Variants in LAMA5 observed in about 807,000 individuals in gnomAD.
The protein encoded by LAMA5 is laminin subunit alpha 5, also known as laminin subunit alpha-5.
A neutral mutation model predicts 433.4 loss-of-function variants in LAMA5; 260 were observed. The ratio of observed to expected loss-of-function variants is 0.60; its 90% CI spans 0.54 to 0.66. The LOEUF is 0.66. Ranked by LOEUF, LAMA5 falls within the 30% of genes least tolerant of loss-of-function variation. The pLI is 0.00. For synonymous variants in LAMA5, 2,620 were observed against 2,226.6 expected, an observed-to-expected ratio of 1.18 and a Z score of -4.97; for missense variants, 5,378 against 5,258.5, an observed-to-expected ratio of 1.02 and a Z score of -0.70.
rs574214554 is a variant in LAMA5, at chr20:62,345,492, G to C, written c.1477+326C>G. On this transcript the variant is annotated intron_variant, in intron 11 of 79. Coordinates refer to ENST00000252999, the MANE Select transcript of LAMA5 (RefSeq NM_005560.6). The stretch of plus-strand genomic sequence containing the variant: ...TGTGATCATGGCTCACTGCAGCTTC[G>C]GCCTTCCAGGCTCAAGCAATCCTTC... The C allele has an allele frequency of 2.8e-4, 124 of 447,372 alleles. 1 individual carries two copies. The highest frequency in any genetic ancestry group is 4.7e-4 in the South Asian group (24 of 51,044). 27.7% of individuals were successfully genotyped at this position (447,372 alleles called of 1,614,324 possible). A position where few individuals can be genotyped will look rare whatever the true frequency, so the allele number is the denominator to read the frequency against.
Position 62,332,477 on chromosome 20 carries a change from G to T in LAMA5, c.3447C>A (p.Thr1149=). 1 of 1,612,164 alleles carries T rather than the reference G, an allele frequency of 6.2e-7. No homozygotes were observed. The highest frequency in any genetic ancestry group is 1.1e-5 in the South Asian group (1 of 91,046). The part of the protein sequence containing the change: ...LLSLHPCLYS[T]LCRGTARDTQ... ...TATCCCGGGCAGTGCCCCGGCACAG[G>T]GTGCTGTGGGGGGAGGGTGGTCAGC... is the stretch of plus-strand genomic sequence containing the variant. The change falls in exon 28 of 80, where the codon ACC becomes ACA. Residue 1149 remains threonine, a synonymous_variant. Coordinates refer to ENST00000252999, the MANE Select transcript of LAMA5 (RefSeq NM_005560.6).
chr20:62,312,106 C>T, intron 69 of LAMA5, 56 bp from the exon 70 acceptor site: 1 of 1,608,130 alleles, frequency 6.2e-7, no homozygotes, highest in Non-Finnish European at 8.5e-7. Flanking sequence ...TCATTCCAGA[C>T]ACCCCAGTCC....
chr20:62,319,510 G>C (rs1987431691), intron 51 of LAMA5, among the ~76,000 whole-genome samples, 174 bp downstream of exon 51: 1 of 152,170 alleles, frequency 6.6e-6, no homozygotes, highest in Non-Finnish European at 1.5e-5. Flanking sequence ...TGGCCACACG[G>C]CTGTGTCGCC....
Position 62,327,796 on chromosome 20 carries a change from G to A in LAMA5, c.4797+70C>T, listed in dbSNP as rs1979576902. On this transcript the variant is annotated intron_variant, in intron 36 of 79. Transcript: ENST00000252999. ...CTAGGAAGCCCCAGCTGCCCCGAAA[G>A]GCCCGTAAGGACACTTTCAGCTGAT... The A allele has an allele frequency of 2.5e-6, 4 of 1,570,152 alleles. No homozygotes were observed. In the South Asian group the frequency reaches 4.7e-5, roughly 19 times the overall value.
intron 45 of LAMA5, among the ~76,000 whole-genome samples, chr20:62,323,079 G>T (rs1315376649): frequency 4.8e-5 from 4 of 83,446 alleles, no homozygotes; most frequent in African/African-American, 2.0e-4. Flanking sequence ...TCGTGAGGTG[G>T]GGGGGGCGCT....
intron 28 of LAMA5, among the ~76,000 whole-genome samples, chr20:62,331,664 G>C (rs1237312056): frequency 6.6e-6 from 1 of 152,210 alleles, no homozygotes; most frequent in African/African-American, 2.4e-5. Flanking sequence ...CTTTCCGTGC[G>C]GCCATGTGAG....
At chr20:62,351,886 C>G (rs201928639) in intron 5 of LAMA5, 23 bp downstream of exon 5, 57 of 1,578,990 alleles carry the variant, frequency 3.6e-5, no homozygotes, top group Middle Eastern at 1.7e-4. Context: ...CCCCCTCCCC[C>G]GCCTGCGCCA....
Position 62,313,707 on chromosome 20 carries a change from A to T in LAMA5, c.8600T>A (p.Leu2867His), listed in dbSNP as rs1986583242. 6.2e-7 allele frequency: 1 copy of T among 1,612,876 alleles called. No homozygotes were observed. Among genetic ancestry groups the T allele is most frequent in the Admixed American group, 1.7e-5 (1 of 60,028 alleles). Residue 2867 changes from leucine to histidine, a missense_variant, in exon 63 of 80, where the codon CTC (leucine) becomes CAC (histidine). Transcript: ENST00000252999. The part of the protein sequence containing the change: ...DTVAPGAEGL[L>H]NLRPDDFVFY... ...GACGAAGTCGTCTGGCCGCAGGTTG[A>T]GCAGCCCCTCTGCCCCAGGGGCCAC... is the stretch of plus-strand genomic sequence containing the variant.
In LAMA5 at chr20:62,359,443, G is replaced by A. The variant is rs78143201; in HGVS notation, c.450+2957C>T. Among the ~76,000 whole-genome samples, 3 of 151,484 alleles carry A rather than the reference G, an allele frequency of 2.0e-5. No individual in the cohort carries two copies. The highest frequency in any genetic ancestry group is 2.0e-4 in the East Asian group (1 of 5,058). On this transcript the variant is annotated intron_variant, in intron 2 of 79. Coordinates refer to ENST00000252999, the MANE Select transcript of LAMA5 (RefSeq NM_005560.6). The surrounding 1 kb of genome is among the most constrained non-coding windows in gnomAD (Gnocchi z 4.3). ...GCCAGGACCCGCTGGCCATGTGCCT[G>A]GGCAGTCATGAACGCGCTCACCCTT... is the stretch of plus-strand genomic sequence containing the variant.
chr20:62,327,772 T>C, intron 36 of LAMA5, 94 bp downstream of exon 36: 3 of 1,575,876 alleles, frequency 1.9e-6, no homozygotes, highest in Non-Finnish European at 2.6e-6. Context: ...CAAAAGCTTC[T>C]AGGAAGCCCC....
At position 62,313,027 on chromosome 20, in the gene LAMA5, G is replaced by T. The variant is rs775987076; in HGVS notation, c.8956-17C>A. The T allele has an allele frequency of 1.4e-5, 22 of 1,591,000 alleles. No homozygotes were observed. The highest frequency in any genetic ancestry group is 1.7e-5 in the Admixed American group (1 of 59,122). ...GAACTGGCTCTGCAGAAACAGGGCAGGGTTAGTGTGGGGCAGGGTCAGTGC... is the reference window on the plus strand; with the variant it reads ...GAACTGGCTCTGCAGAAACAGGGCATGGTTAGTGTGGGGCAGGGTCAGTGC... On this transcript the variant is annotated splice_polypyrimidine_tract_variant and intron_variant, in intron 65 of 79. Transcript: ENST00000252999.
rs200643051 is a variant in LAMA5 at position 62,328,390 on chromosome 20, C to G, written c.4503G>C (p.Pro1501=). The G allele has an allele frequency of 1.3e-6, 2 of 1,557,052 alleles. No individual in the cohort carries two copies. The highest frequency in any genetic ancestry group is 1.7e-6 in the Non-Finnish European group (2 of 1,150,168). Residue 1501 remains proline, a synonymous_variant, in exon 35 of 80, where the codon CCG becomes CCC. Transcript: ENST00000252999. ...GGCAGTCGGGCGGGATGGTGCGTGG[C>G]GGGCAGATGCACTGGCCCGTGAGCT... The part of the protein sequence containing the change: ...CDELTGQCIC[P]PRTIPPDCLL...
chr20:62,327,184 G>A (rs533453092), intron 38 of LAMA5, 49 bp downstream of exon 38: 164 of 1,444,044 alleles, frequency 1.1e-4, no homozygotes, highest in South Asian at 2.8e-4. Context: ...CCTCTCAGGC[G>A]TCCTGGCCAT....
intron 2 of LAMA5, chr20:62,356,505 C>T (rs542324922): frequency 6.6e-6 from 1 of 152,460 alleles, no homozygotes; most frequent in Admixed American, 6.5e-5. Context: ...TTTTAAAAAT[C>T]GGCTATTTTG....
chr20:62,346,292 A>G, intron 9 of LAMA5, 77 bp from the exon 10 acceptor site: 1 of 1,529,396 alleles, frequency 6.5e-7, no homozygotes, highest in African/African-American at 1.4e-5. Context: ...GGCAGTCTCT[A>G]CCTCCCCAGC....
chr20:62,342,312 A>G, intron 11 of LAMA5: 1 of 376,780 alleles, frequency 2.7e-6, no homozygotes, highest in Non-Finnish European at 5.2e-6. Context: ...CAAAAAAAAA[A>G]GATGAGGTAG....
Position 62,312,908 on chromosome 20 carries a change from G to A in LAMA5, c.9058C>T (p.Leu3020=), listed in dbSNP as rs138425104. The A allele has an allele frequency of 6.3e-7, 1 of 1,583,394 alleles. No homozygotes were observed. The highest frequency in any genetic ancestry group is 8.6e-7 in the Non-Finnish European group (1 of 1,163,156). The change falls in exon 66 of 80, where the codon CTG becomes TTG. Residue 3020 remains leucine, a synonymous_variant. Transcript: ENST00000252999. ...KAVPLQPPPP[L]TSASKAIQVF... ...CCTACCGCCTTGCTGGCCGAGGTCA[G>A]GGGCGGTGGGGGCTGCAGTGGGACG...
rs756982195 is a variant in LAMA5 at position 62,328,020 on chromosome 20, G to A, written c.4653-10C>T. 6.2e-7 allele frequency: 1 copy of A among 1,610,794 alleles called. No individual in the cohort carries two copies. Among genetic ancestry groups the A allele is most frequent in the African/African-American group, 1.3e-5 (1 of 74,868 alleles). On this transcript the variant is annotated splice_polypyrimidine_tract_variant and intron_variant, in intron 35 of 79. Coordinates refer to ENST00000252999, the MANE Select transcript of LAMA5 (RefSeq NM_005560.6). ...CACGTTGGGTCTGCACCTGTGGCAGGGGCGGGAGCTGAGCCCCCTCCACCC... is the reference window on the plus strand; with the variant it reads ...CACGTTGGGTCTGCACCTGTGGCAGAGGCGGGAGCTGAGCCCCCTCCACCC...
chr20:62,356,305 G>A (rs900554687), intron 2 of LAMA5: 1 of 152,488 alleles, frequency 6.6e-6, no homozygotes, highest in African/African-American at 2.4e-5. Flanking sequence ...GCGGCTCCCA[G>A]GGCCACACCG....
Sources: gnomAD v4.1 joint callset for allele counts (sites outside exome capture counted in the v4.1 genomes callset) on GRCh38, gnomAD v4.1.1 for gene constraint, Gnocchi (gnomAD v3.1) non-coding constraint, MANE v1.5 for transcripts, NCBI Gene and HGNC (gene_info 2026-07-23, HGNC 2026-07-21) for gene names.